The following PRRX1 variants were observed in gnomAD, a reference collection of about 807,000 sequenced individuals.
PRRX1 encodes the protein paired mesoderm homeobox protein 1.
Under a neutral mutation model 24.0 loss-of-function variants are expected in PRRX1, and 8 were observed. The ratio of observed to expected loss-of-function variants is 0.33; its 90% CI spans 0.20 to 0.60. PRRX1 has a LOEUF of 0.60. Among genes scored for constraint, PRRX1 ranks in the 20% least tolerant of loss-of-function variants. PRRX1 has a pLI of 0.82. For missense variants in PRRX1, 281 were observed against 322.4 expected (o/e 0.87, Z 0.98); for synonymous variants, 160 against 131.7 (o/e 1.22, Z -1.47).
intron 1 of PRRX1, among the ~76,000 whole-genome samples, chr1:170,677,856 T>C (rs1470017727): frequency 6.6e-6 from 1 of 152,204 alleles, no homozygotes; most frequent in Non-Finnish European, 1.5e-5. Flanking sequence ...GATGTTACAG[T>C]GATTGAAGAA....
chr1:170,717,952 C>A (rs1269773918), intron 1 of PRRX1, among the ~76,000 whole-genome samples: 1 of 152,178 alleles, frequency 6.6e-6, no homozygotes, highest in Non-Finnish European at 1.5e-5. Flanking sequence ...TTCCAAGATG[C>A]AGCTGATCTT....
intron 1 of PRRX1, among the ~76,000 whole-genome samples, chr1:170,712,817 G>C (rs1292253922): frequency 6.6e-6 from 1 of 152,068 alleles, no homozygotes; most frequent in Non-Finnish European, 1.5e-5. Flanking sequence ...TTTCTAAGCT[G>C]GTTTACTTTC....
chr1:170,692,783 A>G lies in PRRX1; in HGVS notation c.242-26943A>G, dbSNP rs568472781. ...CACACAGACACACGTGCACACGCAC[A>G]TGCATCTCTCACATTTTTCTGCAAC... is the stretch of plus-strand genomic sequence containing the variant. On this transcript the variant is annotated intron_variant, in intron 1 of 3. Coordinates refer to ENST00000239461, the MANE Select transcript of PRRX1 (RefSeq NM_022716.4). 3.3e-5 allele frequency among the ~76,000 whole-genome samples: 5 copies of G among 151,834 alleles called. No homozygotes were observed. In the South Asian group the frequency reaches 1.0e-3, roughly 32 times the overall value.
At chr1:170,709,040 T>C (rs952317730) in intron 1 of PRRX1, among the ~76,000 whole-genome samples, 1 of 152,212 alleles carries the variant, frequency 6.6e-6, no homozygotes, top group African/African-American at 2.4e-5. Context: ...GGAAGACTAA[T>C]GTCAGGTGCC....
At chr1:170,717,316 C>G (rs1254982454) in intron 1 of PRRX1, among the ~76,000 whole-genome samples, 1 of 152,196 alleles carries the variant, frequency 6.6e-6, no homozygotes, top group South Asian at 2.1e-4. Flanking sequence ...TTTGATTGAA[C>G]AGTGGAATAT....
chr1:170,688,353 T>C (rs370398021), intron 1 of PRRX1, among the ~76,000 whole-genome samples: 1 of 152,072 alleles, frequency 6.6e-6, no homozygotes, highest in Non-Finnish European at 1.5e-5. Context: ...TTTTTTTCTA[T>C]TTTTCTTAAA....
chr1:170,723,781 G>C (rs942634252), intron 2 of PRRX1, among the ~76,000 whole-genome samples: 25 of 152,204 alleles, frequency 1.6e-4, no homozygotes, highest in African/African-American at 5.5e-4. Context: ...CTAGGCTATA[G>C]GGTATAGCTT....
intron 1 of PRRX1, among the ~76,000 whole-genome samples, chr1:170,712,426 G>A (rs902156019): frequency 1.3e-5 from 2 of 151,990 alleles, no homozygotes; most frequent in African/African-American, 2.4e-5. Context: ...AAACATGACC[G>A]AGCCATATAA....
chr1:170,673,543 A>G (rs1653210292), intron 1 of PRRX1, among the ~76,000 whole-genome samples: 1 of 152,102 alleles, frequency 6.6e-6, no homozygotes, highest in African/African-American at 2.4e-5. Flanking sequence ...ATAACCATCT[A>G]TATACTAACC....
chr1:170,671,085 T>C (rs1260431328), intron 1 of PRRX1, among the ~76,000 whole-genome samples: 1 of 152,192 alleles, frequency 6.6e-6, no homozygotes, highest in Admixed American at 6.5e-5. Flanking sequence ...CATGTATTAA[T>C]TTGAATCCCC....
At chr1:170,712,527 A>T (rs540145976) in intron 1 of PRRX1, among the ~76,000 whole-genome samples, 2 of 152,332 alleles carry the variant, frequency 1.3e-5, no homozygotes, top group South Asian at 4.1e-4. Flanking sequence ...AGTGAGCAGA[A>T]GAGTAAAGGT....
intron 1 of PRRX1, among the ~76,000 whole-genome samples, chr1:170,708,707 G>A (rs1654649428): frequency 6.6e-6 from 1 of 152,218 alleles, no homozygotes; most frequent in Middle Eastern, 3.4e-3. Context: ...CTACTAAAAG[G>A]TTTAGGGCTC....
intron 1 of PRRX1, among the ~76,000 whole-genome samples, chr1:170,701,624 T>G (rs1571332653): frequency 6.6e-6 from 1 of 152,294 alleles, no homozygotes; most frequent in East Asian, 1.9e-4. Flanking sequence ...AAGGAAAGAT[T>G]TTATTCGAAA....
At chr1:170,717,957 G>T (rs1349494974) in intron 1 of PRRX1, among the ~76,000 whole-genome samples, 1 of 152,186 alleles carries the variant, frequency 6.6e-6, no homozygotes, top group African/African-American at 2.4e-5. Context: ...AGATGCAGCT[G>T]ATCTTACATT....
chr1:170,698,938 T>A (rs1169662699), intron 1 of PRRX1, among the ~76,000 whole-genome samples: 1 of 152,166 alleles, frequency 6.6e-6, no homozygotes, highest in Non-Finnish European at 1.5e-5. Flanking sequence ...CAGCAAGGCC[T>A]TTTGGCTGCC....
chr1:170,672,484 A>G (rs753761862), intron 1 of PRRX1, among the ~76,000 whole-genome samples: 10 of 152,122 alleles, frequency 6.6e-5, no homozygotes, highest in Non-Finnish European at 1.3e-4. Context: ...CCATTCACTT[A>G]ATTTCTCATC....
intron 1 of PRRX1, among the ~76,000 whole-genome samples, chr1:170,689,778 C>A (rs1398991541): frequency 6.8e-6 from 1 of 148,014 alleles, no homozygotes; most frequent in East Asian, 2.0e-4. Flanking sequence ...AAAGACCAAG[C>A]ATCTGTAGAG....
chr1:170,712,584 T>TA (rs1654784720), intron 1 of PRRX1, among the ~76,000 whole-genome samples: 1 of 152,202 alleles, frequency 6.6e-6, no homozygotes, highest in Admixed American at 6.5e-5. Flanking sequence ...CACATTATGG[T>TA]AGCACTGGTA....
At chr1:170,685,207 A>G (rs1653689210) in intron 1 of PRRX1, among the ~76,000 whole-genome samples, 1 of 152,180 alleles carries the variant, frequency 6.6e-6, no homozygotes, top group Non-Finnish European at 1.5e-5. Flanking sequence ...TGAAATAAGG[A>G]ACGGAGAAGA....
Sources: allele counts gnomAD v4.1 joint callset (sites outside exome capture counted in the v4.1 genomes callset), GRCh38; gene constraint gnomAD v4.1.1; transcripts MANE v1.5; gene names NCBI Gene and HGNC (gene_info 2026-07-23, HGNC 2026-07-21).